MYL4: variants seen among roughly 807,000 people sequenced by gnomAD.
The protein encoded by MYL4 is atrial myosin light chain 1.
MYL4 carries 16 observed loss-of-function variants against 21.6 expected under a neutral mutation model. The ratio of observed to expected loss-of-function variants is 0.74; its 90% CI spans 0.50 to 1.12. The LOEUF (loss-of-function observed/expected upper bound fraction) is 1.12, where lower values mean the gene tolerates loss of function less well. Among genes scored for constraint, MYL4 ranks in the 50% most tolerant of loss-of-function variants. The pLI is 0.00. For missense variants in MYL4, 249 were observed against 252.9 expected (o/e 0.98, Z 0.11); for synonymous variants, 82 against 95.7 (o/e 0.86, Z 0.83).
At chr17:47,214,777 T>C (rs2064801910) in intron 2 of MYL4, among the ~76,000 whole-genome samples, 1 of 152,268 alleles carries the variant, frequency 6.6e-6, no homozygotes, top group African/African-American at 2.4e-5. Flanking sequence ...TGTATACAGT[T>C]TATACAAATC....
At chr17:47,217,030 T>G (rs559204209) in intron 2 of MYL4, among the ~76,000 whole-genome samples, 13 of 152,334 alleles carry the variant, frequency 8.5e-5, no homozygotes, top group Non-Finnish European at 1.9e-4. Context: ...CTTCCTCTTT[T>G]GTTAAACTTG....
chr17:47,210,334 T>G (rs73329112), intron 1 of MYL4, among the ~76,000 whole-genome samples: 2,502 of 152,284 alleles, frequency 0.016, 57 homozygotes, highest in African/African-American at 0.057. Flanking sequence ...TCAGTCATTT[T>G]AGACCTCCCA....
intron 1 of MYL4, among the ~76,000 whole-genome samples, chr17:47,210,876 C>T (rs1341068923): frequency 2.6e-5 from 4 of 152,146 alleles, no homozygotes; most frequent in African/African-American, 9.7e-5. Context: ...ACAAGCTGAG[C>T]CTGGCAGGAA....
downstream of MYL4, among the ~76,000 whole-genome samples, chr17:47,224,442 T>C (rs1188555304): frequency 1.3e-5 from 2 of 152,124 alleles, no homozygotes; most frequent in Non-Finnish European, 2.9e-5. Context: ...GAGATTTGAG[T>C]GGGGACACAG....
chr17:47,226,035 C>G (rs934691717), downstream of MYL4, among the ~76,000 whole-genome samples: 1 of 152,096 alleles, frequency 6.6e-6, no homozygotes, highest in African/African-American at 2.4e-5. Flanking sequence ...TCCTCCCTCT[C>G]TTCTTTCTTT....
At chr17:47,204,549 A>C (rs2064720309), upstream of MYL4, among the ~76,000 whole-genome samples, 2 of 152,158 alleles carry the variant, frequency 1.3e-5, no homozygotes, top group Admixed American at 6.6e-5. Context: ...CACATTTTAC[A>C]GATGAGAAAA....
At chr17:47,198,943 A>G (rs1266839067), upstream of MYL4, among the ~76,000 whole-genome samples, 1 of 151,470 alleles carries the variant, frequency 6.6e-6, no homozygotes, top group Non-Finnish European at 1.5e-5. Flanking sequence ...TTAAAATTAT[A>G]GCACTGTATG....
At chr17:47,206,597 T>G (rs188193968), upstream of MYL4, among the ~76,000 whole-genome samples, 288 of 152,150 alleles carry the variant, frequency 1.9e-3, 1 homozygote, top group Non-Finnish European at 3.6e-3. Context: ...ACTGAAGTGA[T>G]GGTGGTGGAA....
Position 47,213,843 on chromosome 17 carries a change from C to G in MYL4, c.163+17C>G, listed in dbSNP as rs368658322. 25 of 1,613,248 alleles carry G rather than the reference C, an allele frequency of 1.5e-5. No homozygotes were observed. Among genetic ancestry groups the G allele is most frequent in the Non-Finnish European group, 2.0e-5 (24 of 1,179,374 alleles). ...AGATTGAAGGTGAGTATGGACAACC[C>G]CACCTCTCCGTCTCTATTGCACTTT... On this transcript the variant is annotated intron_variant, in intron 2 of 6. Transcript: ENST00000393450.
At chr17:47,223,847 A>G (rs2064875326), downstream of MYL4, among the ~76,000 whole-genome samples, 1 of 152,176 alleles carries the variant, frequency 6.6e-6, no homozygotes, top group African/African-American at 2.4e-5. Flanking sequence ...AAGCCTGTGG[A>G]TCTAGAGATA....
At chr17:47,192,651 A>G in the MYL4 span, among the ~76,000 whole-genome samples, 1 of 147,692 alleles carries the variant, frequency 6.8e-6, no homozygotes, top group Non-Finnish European at 1.5e-5. Context: ...CTGTGTCTCA[A>G]AAAAAAAAAA....
intron 1 of MYL4, among the ~76,000 whole-genome samples, chr17:47,203,437 T>TA (rs2064716523): frequency 6.6e-6 from 1 of 152,172 alleles, no homozygotes; most frequent in African/African-American, 2.4e-5. Flanking sequence ...TCAAATCTAT[T>TA]ATGTGCTCTA....
At chr17:47,217,184 C>T (rs1016870220) in intron 2 of MYL4, among the ~76,000 whole-genome samples, 3 of 151,978 alleles carry the variant, frequency 2.0e-5, no homozygotes, top group Non-Finnish European at 2.9e-5. Context: ...TGCCTGGGTG[C>T]GGTGGCTCAT....
chr17:47,213,702 C>A, intron 1 of MYL4, 97 bp from the exon 2 acceptor site: 2 of 1,257,468 alleles, frequency 1.6e-6, no homozygotes, highest in East Asian at 2.3e-5. Context: ...GGTGGCCATA[C>A]TGCATTGGAA....
intron 4 of MYL4, 99 bp from the exon 5 acceptor site, chr17:47,222,281 C>A: frequency 8.6e-7 from 1 of 1,156,768 alleles, no homozygotes; most frequent in Non-Finnish European, 1.3e-6. Flanking sequence ...CAGATCCAGG[C>A]AGTCTTGGAC....
At chr17:47,199,979 G>A (rs1393117499), upstream of MYL4, among the ~76,000 whole-genome samples, 1 of 151,160 alleles carries the variant, frequency 6.6e-6, no homozygotes, top group Non-Finnish European at 1.5e-5. Flanking sequence ...GGGCTCAAGC[G>A]ATCCACCTGC....
upstream of MYL4, among the ~76,000 whole-genome samples, chr17:47,197,759 C>T (rs114120345): frequency 0.018 from 2,699 of 152,220 alleles, 71 homozygotes; most frequent in African/African-American, 0.062. Context: ...GTTCTAAGCA[C>T]GTTTAAGGTA....
upstream of MYL4, among the ~76,000 whole-genome samples, chr17:47,199,674 C>CAA (rs34989806): frequency 7.8e-6 from 1 of 127,420 alleles, no homozygotes. Context: ...GACCCTGTCT[C>CAA]AAAAAAAAAA....
intron 6 of MYL4, 126 bp from the exon 7 acceptor site, chr17:47,223,383 G>T (rs2064871140): frequency 9.6e-6 from 3 of 311,098 alleles, no homozygotes; most frequent in Admixed American, 9.2e-5. Flanking sequence ...AAGGTCCCTG[G>T]CCTGTGCTCT....
Sources: gnomAD v4.1 joint callset for allele counts (sites outside exome capture counted in the v4.1 genomes callset) on GRCh38, gnomAD v4.1.1 for gene constraint, MANE v1.5 for transcripts, NCBI Gene and HGNC (gene_info 2026-07-23, HGNC 2026-07-21) for gene names.